TMCC1: variants seen among roughly 807,000 people sequenced by gnomAD.
The protein encoded by TMCC1 is transmembrane and coiled-coil domains protein 1.
TMCC1 carries 15 observed loss-of-function variants against 52.4 expected under a neutral mutation model. The observed-to-expected ratio is 0.29, with a 90% CI of 0.19 to 0.44. The LOEUF is 0.44. Ranked by LOEUF, TMCC1 falls within the 20% of genes least tolerant of loss-of-function variation. The pLI is 1.00. For synonymous variants in TMCC1, 279 were observed against 301.9 expected (o/e 0.92, Z 0.79); for missense variants, 503 against 806.0 (o/e 0.62, Z 4.55).
chr3:129,663,273 A>T (rs1289367499), intron 5 of TMCC1, among the ~76,000 whole-genome samples: 1 of 152,172 alleles, frequency 6.6e-6, no homozygotes, highest in Non-Finnish European at 1.5e-5. Flanking sequence ...GTTCGGCAAT[A>T]GGTCACTAGC....
At chr3:129,848,402 T>A (rs1210020264) in intron 2 of TMCC1, 2 of 152,224 alleles carry the variant, frequency 1.3e-5, no homozygotes, top group Non-Finnish European at 2.9e-5. Flanking sequence ...CTCCAATTGT[T>A]CTAGGACCAT....
At chr3:129,746,685 G>A (rs2052007077) in intron 4 of TMCC1, among the ~76,000 whole-genome samples, 1 of 152,128 alleles carries the variant, frequency 6.6e-6, no homozygotes, top group Non-Finnish European at 1.5e-5. Context: ...AGCAAATGGA[G>A]CAATATAAGG....
chr3:129,876,286 CAAAAAAAAA>C (rs61167884), intron 2 of TMCC1, among the ~76,000 whole-genome samples: 2 of 90,988 alleles, frequency 2.2e-5, no homozygotes. Context: ...ATGCCTGGCT[CAAAAAAAAA>C]AAAAAAAAAA....
At chr3:129,758,196 G>A (rs2053186283) in intron 4 of TMCC1, among the ~76,000 whole-genome samples, 1 of 152,178 alleles carries the variant, frequency 6.6e-6, no homozygotes, top group Non-Finnish European at 1.5e-5. Context: ...TAAACAATAA[G>A]TAAATGGATG....
chr3:129,780,817 T>C (rs925196280), intron 4 of TMCC1, among the ~76,000 whole-genome samples: 14 of 152,196 alleles, frequency 9.2e-5, no homozygotes, highest in African/African-American at 2.9e-4. Context: ...AAAAGCCTAC[T>C]ACCTGTTCTC....
chr3:129,873,166 G>C (rs2061012072), intron 2 of TMCC1, among the ~76,000 whole-genome samples: 2 of 152,108 alleles, frequency 1.3e-5, no homozygotes, highest in Non-Finnish European at 1.5e-5. Flanking sequence ...CTCCCAAAGT[G>C]CTGGGATAAC....
chr3:129,820,599 C>T (rs2058368242), intron 4 of TMCC1, among the ~76,000 whole-genome samples: 3 of 149,082 alleles, frequency 2.0e-5, no homozygotes, highest in South Asian at 2.3e-4. Flanking sequence ...GCCAGACAAC[C>T]GTTTAGGGAG....
At chr3:129,705,024 A>G (rs890452368) in intron 4 of TMCC1, among the ~76,000 whole-genome samples, 2 of 152,264 alleles carry the variant, frequency 1.3e-5, no homozygotes, top group Non-Finnish European at 2.9e-5. Context: ...CAATTCTAAT[A>G]GAGAAAGTAC....
chr3:129,858,091 A>G (rs2060225349), intron 2 of TMCC1, among the ~76,000 whole-genome samples: 1 of 150,548 alleles, frequency 6.6e-6, no homozygotes, highest in Non-Finnish European at 1.5e-5. Flanking sequence ...CTTTCTGAAC[A>G]CCATCCTTTT....
intron 2 of TMCC1, among the ~76,000 whole-genome samples, chr3:129,878,343 T>G (rs1456006796): frequency 6.6e-6 from 1 of 152,230 alleles, no homozygotes; most frequent in Admixed American, 6.5e-5. Context: ...AACTTGTTTC[T>G]CTTTCTTTCA....
chr3:129,825,646 G>A (rs2058625533), intron 4 of TMCC1, among the ~76,000 whole-genome samples: 1 of 152,096 alleles, frequency 6.6e-6, no homozygotes, highest in South Asian at 2.1e-4. Flanking sequence ...ATCAACAACA[G>A]TTGAAAAGTA....
At chr3:129,728,351 T>C (rs997756014) in intron 4 of TMCC1, among the ~76,000 whole-genome samples, 4 of 152,182 alleles carry the variant, frequency 2.6e-5, no homozygotes, top group African/African-American at 9.7e-5. Flanking sequence ...AATGGTGCGA[T>C]CTTGACTCAC....
Position 129,701,538 on chromosome 3 carries a change from C to G in TMCC1, c.577-30274G>C, listed in dbSNP as rs1402446586. Among the ~76,000 whole-genome samples the G allele has an allele frequency of 9.2e-5, 14 of 152,172 alleles. No homozygotes were observed. In the East Asian group the frequency reaches 2.7e-3, roughly 29 times the overall value. On this transcript the variant is annotated intron_variant, in intron 4 of 6. Coordinates refer to ENST00000393238, the MANE Select transcript of TMCC1 (RefSeq NM_001017395.5). ...AGAAGTTTAAAATCTTTTGAAATTA[C>G]TGTGGTCATATGAATATATAAATAA...
At chr3:129,802,295 CTTTTA>C (rs2107775761) in intron 4 of TMCC1, among the ~76,000 whole-genome samples, 1 of 152,304 alleles carries the variant, frequency 6.6e-6, no homozygotes, top group East Asian at 1.9e-4. Context: ...CTATGATTCC[CTTTTA>C]TTTACACATT....
chr3:129,688,174 T>A, intron 4 of TMCC1: 1 of 985,416 alleles, frequency 1.0e-6, no homozygotes, highest in Non-Finnish European at 1.2e-6. Context: ...ACATTTATCT[T>A]ACCAAAACCC....
chr3:129,864,011 G>C (rs1294981572), intron 2 of TMCC1, among the ~76,000 whole-genome samples: 1 of 152,116 alleles, frequency 6.6e-6, no homozygotes, highest in Non-Finnish European at 1.5e-5. Context: ...ATAATGCAAA[G>C]AATGCAAAAG....
At chr3:129,833,265 T>G (rs1040186175) in intron 2 of TMCC1, among the ~76,000 whole-genome samples, 3 of 152,160 alleles carry the variant, frequency 2.0e-5, no homozygotes, top group African/African-American at 4.8e-5. Flanking sequence ...TGCCATTCTC[T>G]ATTCAAAGGC....
rs1283884575 is a variant in TMCC1 at position 129,649,039 on chromosome 3, G to A, written c.*2442C>T. 2 of 152,212 alleles carry A rather than the reference G, an allele frequency of 1.3e-5. No individual in the cohort carries two copies. Among genetic ancestry groups the A allele is most frequent in the Non-Finnish European group, 1.5e-5 (1 of 68,052 alleles). 9.4% of individuals were successfully genotyped at this position (152,212 alleles called of 1,614,324 possible). A position where few individuals can be genotyped will look rare whatever the true frequency, so the allele number is the denominator to read the frequency against. ...GGGACTATTTGGCTGGAGGCAGGGG[G>A]CTTTCTACAGGTGAAAACCTTCCTT... On this transcript the variant is annotated 3_prime_UTR_variant, in exon 7 of 7. Transcript: ENST00000393238.
intron 2 of TMCC1, among the ~76,000 whole-genome samples, chr3:129,841,297 G>A (rs1018266689): frequency 2.0e-5 from 3 of 152,176 alleles, no homozygotes; most frequent in African/African-American, 4.8e-5. Flanking sequence ...TTCTGAAAGC[G>A]TACTGTCAGC....
Sources: allele counts gnomAD v4.1 joint callset (sites outside exome capture counted in the v4.1 genomes callset), GRCh38; gene constraint gnomAD v4.1.1; transcripts MANE v1.5; gene names NCBI Gene and HGNC (gene_info 2026-07-23, HGNC 2026-07-21).